The following NR5A2 variants were observed in gnomAD, a reference collection of about 807,000 sequenced individuals.
NR5A2 encodes the protein CYP7A promoter-binding factor.
NR5A2 carries 26 observed loss-of-function variants against 62.7 expected under a neutral mutation model. The ratio of observed to expected loss-of-function variants is 0.41; its 90% CI spans 0.30 to 0.58. The LOEUF is 0.58. NR5A2 is among the 20% of genes least tolerant of loss of function. The pLI is 0.22. For missense variants in NR5A2, 541 were observed against 669.1 expected, an observed-to-expected ratio of 0.81 and a Z score of 2.11; for synonymous variants, 246 against 241.7, an observed-to-expected ratio of 1.02 and a Z score of -0.16.
chr1:200,147,612 C>T lies in NR5A2; in HGVS notation c.1379-26351C>T. 1.4e-6 allele frequency: 1 copy of T among 716,774 alleles called. No individual in the cohort carries two copies. Among genetic ancestry groups the T allele is most frequent in the East Asian group, 3.1e-5 (1 of 32,356 alleles). The allele number at this position is 716,774 out of a possible 1,614,324, so 44.4% of individuals were successfully genotyped here. A position where few individuals can be genotyped will look rare whatever the true frequency, so the allele number is the denominator to read the frequency against. ...CGCTAGGGCAGAGCACATTTTCGCA[C>T]AGGCAGCGCCGCAGCTTGCCCTGGA... On this transcript the variant is annotated intron_variant, in intron 7 of 7. Coordinates refer to ENST00000367362, the MANE Select transcript of NR5A2 (RefSeq NM_205860.3). The surrounding 1 kb of genome is among the most constrained non-coding windows in gnomAD (Gnocchi z 4.9).
chr1:200,056,714 G>A (rs1214257740), intron 5 of NR5A2, among the ~76,000 whole-genome samples: 1 of 152,174 alleles, frequency 6.6e-6, no homozygotes, highest in African/African-American at 2.4e-5. Context: ...TGGTAAGAGA[G>A]TAGTGATGAT....
chr1:200,094,014 C>CAA (rs1465003429), intron 5 of NR5A2, among the ~76,000 whole-genome samples: 1 of 151,784 alleles, frequency 6.6e-6, no homozygotes, highest in East Asian at 2.0e-4. Context: ...AATAAAAATA[C>CAA]AAAAATTTGC....
At chr1:200,132,662 C>A (rs1019399623) in intron 7 of NR5A2, among the ~76,000 whole-genome samples, 3 of 152,150 alleles carry the variant, frequency 2.0e-5, no homozygotes, top group Non-Finnish European at 4.4e-5. Context: ...GACATATTGG[C>A]CAGGCAAACT....
At chr1:200,067,311 C>G (rs1321445604) in intron 5 of NR5A2, among the ~76,000 whole-genome samples, 2 of 152,186 alleles carry the variant, frequency 1.3e-5, no homozygotes, top group Non-Finnish European at 2.9e-5. Context: ...AATCCCAGCA[C>G]TTTGGGAGGC....
chr1:200,148,791 A>G (rs1667845128), intron 7 of NR5A2, among the ~76,000 whole-genome samples: 1 of 152,174 alleles, frequency 6.6e-6, no homozygotes, highest in Non-Finnish European at 1.5e-5. Flanking sequence ...ATTGAACTCC[A>G]GACAAATGGA....
intron 5 of NR5A2, among the ~76,000 whole-genome samples, chr1:200,089,808 C>G (rs956679867): frequency 3.3e-5 from 5 of 152,212 alleles, no homozygotes; most frequent in African/African-American, 1.2e-4. Flanking sequence ...ACATTCTCTG[C>G]AGTTATTATC....
At chr1:200,138,800 CAT>C (rs1667332012) in intron 7 of NR5A2, among the ~76,000 whole-genome samples, 1 of 152,112 alleles carries the variant, frequency 6.6e-6, no homozygotes, top group African/African-American at 2.4e-5. Flanking sequence ...GCTAATCTCA[CAT>C]GTTTTATGCA....
intron 7 of NR5A2, among the ~76,000 whole-genome samples, chr1:200,145,653 G>T (rs1221669643): frequency 1.3e-5 from 2 of 152,106 alleles, no homozygotes; most frequent in African/African-American, 4.8e-5. Context: ...TAAAGGCAGG[G>T]TCTTGCTCTG....
intron 6 of NR5A2, among the ~76,000 whole-genome samples, chr1:200,112,342 T>C (rs1293174958): frequency 2.6e-5 from 4 of 152,230 alleles, no homozygotes; most frequent in Non-Finnish European, 5.9e-5. Context: ...GTTCTACAAC[T>C]GATGTGCTAT....
chr1:200,125,770 G>T (rs1666675341), intron 7 of NR5A2, among the ~76,000 whole-genome samples: 1 of 152,180 alleles, frequency 6.6e-6, no homozygotes, highest in South Asian at 2.1e-4. Flanking sequence ...TAAAAAATGT[G>T]ACTTGAACAC....
chr1:200,100,465 G>A (rs1665314147), intron 5 of NR5A2, among the ~76,000 whole-genome samples: 1 of 152,256 alleles, frequency 6.6e-6, no homozygotes, highest in South Asian at 2.1e-4. Flanking sequence ...GGGTGCCCAG[G>A]TCTCTGAGCT....
At chr1:200,057,412 C>T (rs1442501293) in intron 5 of NR5A2, 2 of 204,592 alleles carry the variant, frequency 9.8e-6, no homozygotes, top group Admixed American at 6.3e-5. Flanking sequence ...GTGGAGGATA[C>T]GTCCGTCAGT....
intron 6 of NR5A2, among the ~76,000 whole-genome samples, chr1:200,112,216 A>G (rs1256547181): frequency 6.6e-6 from 1 of 152,250 alleles, no homozygotes; most frequent in Non-Finnish European, 1.5e-5. Flanking sequence ...ACATTTGAGC[A>G]AAGTCTTAAA....
At chr1:200,035,382 G>A (rs1354979325) in intron 1 of NR5A2, among the ~76,000 whole-genome samples, 2 of 152,106 alleles carry the variant, frequency 1.3e-5, no homozygotes. Flanking sequence ...CACCTTTTGC[G>A]AGCCCAGGAA....
intron 2 of NR5A2, among the ~76,000 whole-genome samples, 198 bp from the exon 3 acceptor site, chr1:200,043,576 A>G (rs1272507117): frequency 1.3e-5 from 2 of 152,256 alleles, no homozygotes; most frequent in Non-Finnish European, 2.9e-5. Flanking sequence ...ATGGAATTAT[A>G]TGAGGTCCAT....
chr1:200,049,067 CT>C (rs1256278727), intron 5 of NR5A2, among the ~76,000 whole-genome samples: 4 of 151,658 alleles, frequency 2.6e-5, no homozygotes, highest in African/African-American at 7.3e-5. Flanking sequence ...GAAACTCGGG[CT>C]TTTTTTTCTA....
At chr1:200,166,124 A>AGAGT (rs1168037404) in intron 7 of NR5A2, among the ~76,000 whole-genome samples, 2 of 152,332 alleles carry the variant, frequency 1.3e-5, no homozygotes, top group African/African-American at 4.8e-5. Context: ...GACAGAGACC[A>AGAGT]GAGTAGCCCA....
At chr1:200,076,589 G>A (rs1664052353) in intron 5 of NR5A2, among the ~76,000 whole-genome samples, 1 of 152,022 alleles carries the variant, frequency 6.6e-6, no homozygotes, top group Admixed American at 6.6e-5. Context: ...CTTCTAAAAG[G>A]AGTGACTAAT....
Position 200,166,442 on chromosome 1 carries a change from G to C in NR5A2, c.1379-7521G>C, listed in dbSNP as rs112804139. On this transcript the variant is annotated intron_variant, in intron 7 of 7. Coordinates refer to ENST00000367362, the MANE Select transcript of NR5A2 (RefSeq NM_205860.3). ...TTTCCTTCAAAATCTCAAACATTAA[G>C]TTGTGTTACATGCCAATTTAAATGT... 7.1e-3 allele frequency among the ~76,000 whole-genome samples: 1,078 copies of C among 152,240 alleles called. 11 individuals are homozygous for C. Among genetic ancestry groups the C allele is most frequent in the African/African-American group, 0.024 (1,015 of 41,528 alleles).
Sources: gnomAD v4.1 joint callset for allele counts (sites outside exome capture counted in the v4.1 genomes callset) on GRCh38, gnomAD v4.1.1 for gene constraint, Gnocchi (gnomAD v3.1) non-coding constraint, MANE v1.5 for transcripts, NCBI Gene and HGNC (gene_info 2026-07-23, HGNC 2026-07-21) for gene names.